Variants in POU5F1 observed in about 807,000 individuals in gnomAD.
The protein encoded by POU5F1 is POU domain, class 5, transcription factor 1.
In POU5F1, 6 loss-of-function variants were observed where a neutral mutation model predicts 38.3. That is an observed-to-expected ratio of 0.16 (90% CI 0.09 to 0.31). The LOEUF (loss-of-function observed/expected upper bound fraction) is 0.31. Ranked by LOEUF, POU5F1 falls within the 10% of genes least tolerant of loss-of-function variation. POU5F1 has a pLI of 1.00. For missense variants in POU5F1, 286 were observed against 462.6 expected (o/e 0.62, Z 3.50); for synonymous variants, 147 against 194.9 (o/e 0.75, Z 2.05).
rs546382046 is a variant in POU5F1 at position 31,170,670 on chromosome 6, G to A, written c.-50C>T. 22 of 1,509,272 alleles carry A rather than the reference G, an allele frequency of 1.5e-5. 1 individual carries two copies. In the East Asian group the frequency reaches 2.9e-4, roughly 20 times the overall value. 93.5% of individuals were successfully genotyped at this position (1,509,272 alleles called of 1,614,324 possible). A position where few individuals can be genotyped will look rare whatever the true frequency, so the allele number is the denominator to read the frequency against. Reference sequence around the variant, plus strand: ...GGGGCCTGGTGAAATGAGGGCTTGCGAAGGGACTACTCAACCCCTCTCTCC... The same window carrying A: ...GGGGCCTGGTGAAATGAGGGCTTGCAAAGGGACTACTCAACCCCTCTCTCC... On this transcript the variant is annotated 5_prime_UTR_variant, in exon 1 of 5. Coordinates refer to ENST00000259915, the MANE Select transcript of POU5F1 (RefSeq NM_002701.6).
rs1452755727 is a variant in POU5F1 at position 31,170,662 on chromosome 6, G to C, written c.-42C>G. The C allele has an allele frequency of 6.6e-7, 1 of 1,518,556 alleles. No individual in the cohort carries two copies. Among genetic ancestry groups the C allele is most frequent in the South Asian group, 1.3e-5 (1 of 79,246 alleles). The allele number at this position is 1,518,556 out of a possible 1,614,324, so 94.1% of individuals were successfully genotyped here. A position where few individuals can be genotyped will look rare whatever the true frequency, so the allele number is the denominator to read the frequency against. ...CCAAGCCGGGGGCCTGGTGAAATGA[G>C]GGCTTGCGAAGGGACTACTCAACCC... On this transcript the variant is annotated 5_prime_UTR_variant, in exon 1 of 5. Coordinates refer to ENST00000259915, the MANE Select transcript of POU5F1 (RefSeq NM_002701.6).
rs779057746 is a variant in POU5F1, at chr6:31,165,711, G to T, written c.527-10C>A. On this transcript the variant is annotated splice_polypyrimidine_tract_variant and intron_variant, in intron 2 of 4. Transcript: ENST00000259915. The surrounding 1 kb of genome is among the most constrained non-coding windows in gnomAD (Gnocchi z 6.5). ...TGGCTGAATACCTTCCCTGGGGGAG[G>T]CCAGTCAAAAGAGAAGCAAAGTGAG... The T allele has an allele frequency of 1.2e-6, 2 of 1,606,714 alleles. No homozygotes were observed. The highest frequency in any genetic ancestry group is 1.7e-5 in the Admixed American group (1 of 58,368).
intron 1 of POU5F1, among the ~76,000 whole-genome samples, chr6:31,167,974 G>A (rs1437321861): frequency 4.0e-5 from 6 of 151,838 alleles, no homozygotes; most frequent in African/African-American, 7.3e-5. Context: ...ACGGAATCTC[G>A]TTCTATCGCC....
chr6:31,164,644 G>A lies in POU5F1; in HGVS notation c.1040C>T (p.Pro347Leu). 1 of 1,584,458 alleles carries A rather than the reference G, an allele frequency of 6.3e-7. No homozygotes were observed. The highest frequency in any genetic ancestry group is 8.6e-7 in the Non-Finnish European group (1 of 1,165,304). ...AGAGCCCAGAGTGGTGACGGAGACA[G>A]GGGGAAAGGCTTCCCCCTCAGGGAA... Reference protein sequence around the residue: ...VPFPEGEAFPPVSVTTLGSPM... With the variant: ...VPFPEGEAFPLVSVTTLGSPM... Residue 347 changes from proline to leucine, a missense_variant, in exon 5 of 5, where the codon CCT (proline) becomes CTT (leucine). Pro to Leu is a moderately conservative substitution (Grantham distance 98). Transcript: ENST00000259915.
Position 31,165,508 on chromosome 6 carries a change from T to C in POU5F1, c.657+63A>G. 1 of 1,610,434 alleles carries C rather than the reference T, an allele frequency of 6.2e-7. No individual in the cohort carries two copies. Among genetic ancestry groups the C allele is most frequent in the Non-Finnish European group, 8.5e-7 (1 of 1,179,072 alleles). On this transcript the variant is annotated intron_variant, in intron 3 of 4. Coordinates refer to ENST00000259915, the MANE Select transcript of POU5F1 (RefSeq NM_002701.6). This position sits in a 1 kb window ranked among gnomAD's most constrained non-coding sequence, Gnocchi z 6.5. Reference sequence around the variant, plus strand: ...AAGACGGAGAGCTACGAGCCAGTGATGGAAGCAATGGAAATTAGGCCAAGA... The same window carrying C: ...AAGACGGAGAGCTACGAGCCAGTGACGGAAGCAATGGAAATTAGGCCAAGA...
At position 31,165,548 on chromosome 6, in the gene POU5F1, G is replaced by C. The variant is rs374244939; in HGVS notation, c.657+23C>G. ...TTAGGCCAAGAAAGGGAAGGTCCCC[G>C]GGTATCCCCCTCCCACCCTTACCTC... On this transcript the variant is annotated intron_variant, in intron 3 of 4. Transcript: ENST00000259915. The surrounding 1 kb of genome is among the most constrained non-coding windows in gnomAD (Gnocchi z 6.5). 1 of 1,612,932 alleles carries C rather than the reference G, an allele frequency of 6.2e-7. No homozygotes were observed. Among genetic ancestry groups the C allele is most frequent in the South Asian group, 1.1e-5 (1 of 91,032 alleles).
At position 31,165,028 on chromosome 6, in the gene POU5F1, A is replaced by G; in HGVS notation, c.816+100T>C. 6.4e-7 allele frequency: 1 copy of G among 1,554,216 alleles called. No individual in the cohort carries two copies. Among genetic ancestry groups the G allele is most frequent in the East Asian group, 2.4e-5 (1 of 41,166 alleles). On this transcript the variant is annotated intron_variant, in intron 4 of 4. Coordinates refer to ENST00000259915, the MANE Select transcript of POU5F1 (RefSeq NM_002701.6). This position sits in a 1 kb window ranked among gnomAD's most constrained non-coding sequence, Gnocchi z 6.5. Reference sequence around the variant, plus strand: ...GCCTGACTGCTTGGACATTCTGTCCAAAGCCAACAGCCCTAGAGCAGTTGG... The same window carrying G: ...GCCTGACTGCTTGGACATTCTGTCCGAAGCCAACAGCCCTAGAGCAGTTGG...
rs1419302730 is a variant in POU5F1, at chr6:31,170,518, A to G, written c.103T>C (p.Trp35Arg). The G allele has an allele frequency of 1.9e-6, 3 of 1,589,178 alleles. No homozygotes were observed. In the African/African-American group the frequency reaches 4.0e-5, roughly 21 times the overall value. ...CCAGGAGGGCCTTGGAAGCTTAGCC[A>G]GGTCCGAGGATCAACCCAGCCCGGC... The part of the protein sequence containing the change: ...PEPGWVDPRT[W>R]LSFQGPPGGP... Residue 35 changes from tryptophan to arginine, a missense_variant, in exon 1 of 5, where the codon TGG becomes CGG. Transcript: ENST00000259915.
intron 1 of POU5F1, chr6:31,166,341 C>CGAG (rs9281234): frequency 0.76 from 1,086,854 of 1,438,052 alleles, 411,977 homozygotes; most frequent in African/African-American, 0.9. Context: ...ACCCTGGCCT[C>CGAG]GAGAACACCT....
At chr6:31,164,915 G>GAT (rs1777098220) in intron 4 of POU5F1, 48 bp from the exon 5 acceptor site, 1 of 1,589,652 alleles carries the variant, frequency 6.3e-7, no homozygotes, top group African/African-American at 1.4e-5. Context: ...AATGAGCTGA[G>GAT]ACGGGCCTGA....
At chr6:31,167,143 C>A in intron 1 of POU5F1, 2 of 409,250 alleles carry the variant, frequency 4.9e-6, no homozygotes, top group South Asian at 2.3e-5. Context: ...CCACTTGGAT[C>A]TCTTCCAAGT....
intron 1 of POU5F1, among the ~76,000 whole-genome samples, chr6:31,168,557 G>A (rs552568225): frequency 1.3e-5 from 2 of 152,296 alleles, no homozygotes; most frequent in Non-Finnish European, 2.9e-5. Flanking sequence ...ACAGACAGTA[G>A]GGAGGAAGCA....
At chr6:31,170,191 C>T in intron 1 of POU5F1, 25 bp downstream of exon 1, 1 of 1,612,782 alleles carries the variant, frequency 6.2e-7, no homozygotes, top group Non-Finnish European at 8.5e-7. Flanking sequence ...CTCCCCACAC[C>T]CCAACCCCGT....
intron 1 of POU5F1, chr6:31,166,754 AATAG>A: frequency 1.7e-6 from 2 of 1,179,730 alleles, no homozygotes; most frequent in African/African-American, 3.2e-5. Context: ...AGATTAGAGA[AATAG>A]ATAAGCTGCT....
rs969269818 is a variant in POU5F1, at chr6:31,170,677, C to T, written c.-57G>A. The T allele has an allele frequency of 1.3e-6, 2 of 1,489,814 alleles. No individual in the cohort carries two copies. The highest frequency in any genetic ancestry group is 1.3e-5 in the South Asian group (1 of 74,426). The allele number at this position is 1,489,814 out of a possible 1,614,324, so 92.3% of individuals were successfully genotyped here. A position where few individuals can be genotyped will look rare whatever the true frequency, so the allele number is the denominator to read the frequency against. ...GGTGAAATGAGGGCTTGCGAAGGGA[C>T]TACTCAACCCCTCTCTCCCTCCCCA... On this transcript the variant is annotated 5_prime_UTR_variant, in exon 1 of 5. Transcript: ENST00000259915.
intron 1 of POU5F1, 26 bp downstream of exon 1, chr6:31,170,189 AC>A (rs778819901): frequency 3.1e-6 from 5 of 1,612,110 alleles, no homozygotes; most frequent in Non-Finnish European, 4.2e-6. Context: ...ACCTCCCCAC[AC>A]CCCAACCCCG....
At chr6:31,164,976 A>G (rs1561853479) in intron 4 of POU5F1, 109 bp from the exon 5 acceptor site, 2 of 1,549,326 alleles carry the variant, frequency 1.3e-6, no homozygotes, top group African/African-American at 2.7e-5. Flanking sequence ...CAGTTAGAGG[A>G]GGACATTAGA....
intron 1 of POU5F1, among the ~76,000 whole-genome samples, chr6:31,169,388 A>G (rs3130503): frequency 0.82 from 125,470 of 152,218 alleles, 51,923 homozygotes; most frequent in Middle Eastern, 0.95. Flanking sequence ...TGTCGCCTTG[A>G]AGGACTGGAA....
chr6:31,168,305 G>A (rs1424132698), intron 1 of POU5F1, among the ~76,000 whole-genome samples: 1 of 149,560 alleles, frequency 6.7e-6, no homozygotes, highest in Non-Finnish European at 1.5e-5. Flanking sequence ...GCGCGATCTC[G>A]GCTCACCGCA....
Sources: gnomAD v4.1 joint callset for allele counts (sites outside exome capture counted in the v4.1 genomes callset) on GRCh38, gnomAD v4.1.1 for gene constraint, Gnocchi (gnomAD v3.1) non-coding constraint, MANE v1.5 for transcripts, NCBI Gene and HGNC (gene_info 2026-07-23, HGNC 2026-07-21) for gene names.